FGF14: variants seen among roughly 807,000 people sequenced by gnomAD.
FGF14 encodes fibroblast growth factor homologous factor 4.
A neutral mutation model predicts 25.5 loss-of-function variants in FGF14; 5 were observed. The ratio of observed to expected loss-of-function variants is 0.20; its 90% CI spans 0.10 to 0.41. The LOEUF (loss-of-function observed/expected upper bound fraction) is 0.41, where lower values mean the gene tolerates loss of function less well. Ranked by LOEUF, FGF14 falls within the 10% of genes least tolerant of loss-of-function variation. FGF14 has a pLI of 1.00. For missense variants in FGF14, 222 were observed against 320.1 expected (o/e 0.69, Z 2.34); for synonymous variants, 138 against 118.3 (o/e 1.17, Z -1.08).
At chr13:102,263,396 G>C (rs2052818382) in intron 1 of FGF14, among the ~76,000 whole-genome samples, 1 of 152,130 alleles carries the variant, frequency 6.6e-6, no homozygotes, top group African/African-American at 2.4e-5. Flanking sequence ...CAAAAATTTA[G>C]TCTCAAGTGC....
Position 101,996,939 on chromosome 13 carries a change from T to C in FGF14, c.209-121643A>G, listed in dbSNP as rs1282336427. 2.0e-5 allele frequency among the ~76,000 whole-genome samples: 3 copies of C among 152,230 alleles called. No individual in the cohort carries two copies. In the East Asian group the frequency reaches 5.8e-4, roughly 29 times the overall value. Reference sequence around the variant, plus strand: ...GAAGGGTGCTCTCTGATGCCTGGCATATTCCTGCCTCAAGGCAGTTGCACC... The same window carrying C: ...GAAGGGTGCTCTCTGATGCCTGGCACATTCCTGCCTCAAGGCAGTTGCACC... On this transcript the variant is annotated intron_variant, in intron 1 of 4. Coordinates refer to the FGF14 transcript ENST00000376131.
At chr13:101,911,570 G>A (rs1566422112) in intron 1 of FGF14, among the ~76,000 whole-genome samples, 2 of 152,100 alleles carry the variant, frequency 1.3e-5, no homozygotes, top group Non-Finnish European at 2.9e-5. Context: ...TAAGCCACAG[G>A]AGGAAAATGC....
intron 1 of FGF14, among the ~76,000 whole-genome samples, chr13:102,121,478 C>T (rs1174221552): frequency 6.6e-6 from 1 of 151,984 alleles, no homozygotes; most frequent in African/African-American, 2.4e-5. Context: ...TACTAATAAG[C>T]ATAGTAAAAC....
intron 1 of FGF14, among the ~76,000 whole-genome samples, chr13:102,354,446 A>C (rs1036323913): frequency 5.9e-5 from 9 of 152,190 alleles, no homozygotes; most frequent in African/African-American, 2.2e-4. Context: ...GTCTCTTACC[A>C]ATCTATGACC....
intron 1 of FGF14, among the ~76,000 whole-genome samples, chr13:102,087,747 G>GC (rs1230172281): frequency 6.6e-6 from 1 of 151,950 alleles, no homozygotes; most frequent in African/African-American, 2.4e-5. Context: ...TTAACACAGA[G>GC]CCTAGCACAA....
Position 102,210,408 on chromosome 13 carries a change from G to A in FGF14, c.208+191063C>T, listed in dbSNP as rs547659290. 7.6e-4 allele frequency among the ~76,000 whole-genome samples: 116 copies of A among 152,170 alleles called. 1 individual carries two copies. The highest frequency in any genetic ancestry group is 2.5e-3 in the African/African-American group (105 of 41,528). On this transcript the variant is annotated intron_variant, in intron 1 of 4. Transcript: ENST00000376131. ...AATCATATATTCTTAAAAGAGAGATGTACCATTTTTGTTCTAAAATGGAAA... is the reference window on the plus strand; with the variant it reads ...AATCATATATTCTTAAAAGAGAGATATACCATTTTTGTTCTAAAATGGAAA...
intron 1 of FGF14, 114 bp downstream of exon 1, chr13:101,916,339 G>A (rs2033485438): frequency 3.1e-6 from 4 of 1,309,968 alleles, no homozygotes; most frequent in Non-Finnish European, 4.4e-6. Flanking sequence ...CAGAAGGGAG[G>A]CCGGGGCCGG....
chr13:102,362,197 C>T (rs149817666), intron 1 of FGF14, among the ~76,000 whole-genome samples: 1 of 152,176 alleles, frequency 6.6e-6, no homozygotes, highest in Non-Finnish European at 1.5e-5. Flanking sequence ...GTTTCATCTC[C>T]ATTTCTAGCC....
At chr13:102,388,328 T>C (rs1485374058) in intron 1 of FGF14, among the ~76,000 whole-genome samples, 1 of 152,166 alleles carries the variant, frequency 6.6e-6, no homozygotes, top group Admixed American at 6.5e-5. Context: ...TAGGCTCAAA[T>C]TGTATAGAAA....
intron 3 of FGF14, among the ~76,000 whole-genome samples, chr13:101,812,695 T>C (rs1427268704): frequency 7.5e-6 from 1 of 134,206 alleles, no homozygotes; most frequent in African/African-American, 2.8e-5. Flanking sequence ...GGAGTTTTGC[T>C]GTTGTCACCA....
At chr13:102,031,167 C>T (rs571991577) in intron 1 of FGF14, among the ~76,000 whole-genome samples, 14 of 151,980 alleles carry the variant, frequency 9.2e-5, no homozygotes, top group Non-Finnish European at 1.6e-4. Context: ...ATATATGCAC[C>T]GGTCAATTTT....
intron 1 of FGF14, among the ~76,000 whole-genome samples, chr13:102,200,731 A>G (rs2049579420): frequency 6.6e-6 from 1 of 152,024 alleles, no homozygotes; most frequent in African/African-American, 2.4e-5. Flanking sequence ...GGCAGCACCA[A>G]GTAGGTGGAG....
chr13:102,184,912 T>C (rs554912394), intron 1 of FGF14, among the ~76,000 whole-genome samples: 30 of 152,142 alleles, frequency 2.0e-4, no homozygotes, highest in Non-Finnish European at 1.8e-4. Context: ...CAGTGAGAAA[T>C]TGGACATCAC....
chr13:102,287,615 A>G (rs1245577176), intron 1 of FGF14, among the ~76,000 whole-genome samples: 1 of 152,218 alleles, frequency 6.6e-6, no homozygotes, highest in Non-Finnish European at 1.5e-5. Context: ...TCAAATTTCT[A>G]ATACTGAATG....
chr13:102,321,307 T>C (rs1470019952), intron 1 of FGF14, among the ~76,000 whole-genome samples: 5 of 152,188 alleles, frequency 3.3e-5, no homozygotes, highest in Non-Finnish European at 7.4e-5. Context: ...AATAATATGG[T>C]ATGGCATTTT....
intron 3 of FGF14, among the ~76,000 whole-genome samples, chr13:101,760,967 A>T (rs2037990014): frequency 6.6e-6 from 1 of 152,226 alleles, no homozygotes. Flanking sequence ...AAGGATGAAA[A>T]AAAAAGTATT....
At chr13:101,787,012 T>A (rs1032351472) in intron 3 of FGF14, among the ~76,000 whole-genome samples, 1 of 152,152 alleles carries the variant, frequency 6.6e-6, no homozygotes, top group African/African-American at 2.4e-5. Flanking sequence ...ATACAATCTG[T>A]CTTGTCTTCC....
intron 1 of FGF14, among the ~76,000 whole-genome samples, chr13:102,312,069 G>A (rs1430168747): frequency 6.6e-6 from 1 of 152,026 alleles, no homozygotes; most frequent in East Asian, 1.9e-4. Flanking sequence ...TTGACGTTTG[G>A]TATGTTACCT....
At position 102,053,708 on chromosome 13, in the gene FGF14, G is replaced by A. The variant is rs189468947; in HGVS notation, c.209-178412C>T. The stretch of plus-strand genomic sequence containing the variant: ...AAGCTCTGGGGTAGACAAAAATTAC[G>A]TCAGTTTCCCAGAGGAAAAACCAGA... On this transcript the variant is annotated intron_variant, in intron 1 of 4. Transcript: ENST00000376131. Among the ~76,000 whole-genome samples the A allele has an allele frequency of 2.1e-4, 32 of 152,178 alleles. No individual in the cohort carries two copies. The South Asian group carries it at 2.3e-3, about 11-fold the overall frequency.
Sources: allele counts gnomAD v4.1 joint callset (sites outside exome capture counted in the v4.1 genomes callset), GRCh38; gene constraint gnomAD v4.1.1; transcripts MANE v1.5; gene names NCBI Gene and HGNC (gene_info 2026-07-23, HGNC 2026-07-21).